The following SNX11 variants were observed in gnomAD, a reference collection of about 807,000 sequenced individuals.
SNX11 encodes sorting nexin-11.
In SNX11, 19 loss-of-function variants were observed where a neutral mutation model predicts 30.7. That is an observed-to-expected ratio of 0.62 (90% CI 0.43 to 0.91). The LOEUF (loss-of-function observed/expected upper bound fraction) is 0.91, where lower values mean the gene tolerates loss of function less well. Ranked by LOEUF, SNX11 falls within the 40% of genes least tolerant of loss-of-function variation. The pLI, the probability that SNX11 is intolerant of heterozygous loss-of-function variation, is 0.00. For missense variants in SNX11, 302 were observed against 326.7 expected (o/e 0.92, Z 0.58); for synonymous variants, 112 against 119.0 (o/e 0.94, Z 0.38).
chr17:48,117,379 C>G (rs2063556629), intron 4 of SNX11, among the ~76,000 whole-genome samples: 1 of 151,740 alleles, frequency 6.6e-6, no homozygotes, highest in South Asian at 2.1e-4. Flanking sequence ...CTCAGCCTCC[C>G]GAGTAGTTGG....
chr17:48,121,131 A>G (rs2063596738), intron 6 of SNX11, 104 bp from the exon 7 acceptor site: 1 of 1,265,388 alleles, frequency 7.9e-7, no homozygotes. Flanking sequence ...GATTACAGGC[A>G]CATGCCAACA....
At chr17:48,117,415 C>T (rs1164362033) in intron 4 of SNX11, among the ~76,000 whole-genome samples, 4 of 151,894 alleles carry the variant, frequency 2.6e-5, no homozygotes, top group South Asian at 2.1e-4. Flanking sequence ...CCACCACGCC[C>T]GGCTAGTTTT....
chr17:48,116,606 G>A (rs1306961687), intron 4 of SNX11, among the ~76,000 whole-genome samples: 2 of 146,318 alleles, frequency 1.4e-5, no homozygotes, highest in Non-Finnish European at 3.0e-5. Flanking sequence ...GCGGAGTCTC[G>A]CTCTGTCACC....
intron 2 of SNX11, 107 bp from the exon 3 acceptor site, chr17:48,112,467 G>GT: frequency 1.4e-6 from 1 of 725,246 alleles, no homozygotes; most frequent in Non-Finnish European, 2.5e-6. Flanking sequence ...ATGAAAGTTG[G>GT]TGTTGAGTGA....
intron 3 of SNX11, among the ~76,000 whole-genome samples, 177 bp from the exon 4 acceptor site, chr17:48,113,124 G>A (rs929457445): frequency 1.3e-5 from 2 of 152,154 alleles, no homozygotes; most frequent in African/African-American, 4.8e-5. Context: ...GAGAGCTTGA[G>A]GTATGTCTTT....
At chr17:48,116,257 A>C (rs989136110) in intron 4 of SNX11, among the ~76,000 whole-genome samples, 12 of 152,102 alleles carry the variant, frequency 7.9e-5, no homozygotes, top group Non-Finnish European at 1.2e-4. Flanking sequence ...ACTGTCTCAA[A>C]AACAACAACA....
intron 3 of SNX11, 35 bp from the exon 4 acceptor site, chr17:48,113,266 C>A: frequency 6.5e-7 from 1 of 1,543,576 alleles, no homozygotes. Flanking sequence ...TTCCACTAAA[C>A]CCTTTTCATG....
At chr17:48,112,731 C>CTT (rs373077316) in intron 3 of SNX11, 71 bp downstream of exon 3, 1,435 of 587,098 alleles carry the variant, frequency 2.4e-3, no homozygotes, top group South Asian at 4.5e-3. Flanking sequence ...GAGGTGTAAC[C>CTT]TTTTTTTTTT....
chr17:48,112,444 T>C, intron 2 of SNX11, 130 bp from the exon 3 acceptor site: 1 of 698,356 alleles, frequency 1.4e-6, no homozygotes, highest in Non-Finnish European at 2.6e-6. Context: ...TGAATGAAAG[T>C]TGAATTGAAT....
intron 6 of SNX11, among the ~76,000 whole-genome samples, chr17:48,120,354 C>G (rs943499297): frequency 2.6e-5 from 4 of 151,226 alleles, no homozygotes; most frequent in South Asian, 2.1e-4. Context: ...TTACAGGCAC[C>G]TGCCACCACA....
chr17:48,119,066 AG>A lies in SNX11; in HGVS notation c.422del (p.Gly141AlafsTer5). ...LSVPEIEACV[Q>X]GRSTMTVSDA... is the part of the protein sequence containing the mutation. ...GTGCCTGAGATAGAAGCCTGTGTCCAGGGCCGAAGTACCATGACTGTGTCTG... is the reference window on the plus strand; with the variant it reads ...GTGCCTGAGATAGAAGCCTGTGTCCAGGCCGAAGTACCATGACTGTGTCTG... On this transcript the variant is annotated frameshift_variant, in exon 6 of 7. Coordinates refer to ENST00000359238, the MANE Select transcript of SNX11 (RefSeq NM_013323.3). LOFTEE classifies it high-confidence loss of function. 2 of 1,614,166 alleles carry A rather than the reference AG, an allele frequency of 1.2e-6. No individual in the cohort carries two copies. Among genetic ancestry groups the A allele is most frequent in the Non-Finnish European group, 1.7e-6 (2 of 1,180,032 alleles).
chr17:48,112,178 A>G, intron 2 of SNX11, 93 bp downstream of exon 2: 1 of 1,111,384 alleles, frequency 9.0e-7, no homozygotes, highest in East Asian at 2.3e-5. Context: ...ATTAATTATT[A>G]CCTGCAGTAT....
chr17:48,115,098 G>A (rs544189994), intron 4 of SNX11, among the ~76,000 whole-genome samples: 28 of 141,904 alleles, frequency 2.0e-4, no homozygotes, highest in Admixed American at 1.9e-3. Flanking sequence ...GTCTCACTCT[G>A]TTGCCCAGGC....
Position 48,121,741 on chromosome 17 carries a change from T to C in SNX11, c.*233T>C. The C allele has an allele frequency of 1.9e-6, 1 of 540,166 alleles. No homozygotes were observed. The highest frequency in any genetic ancestry group is 3.3e-5 in the Admixed American group (1 of 30,694). 33.5% of individuals were successfully genotyped at this position (540,166 alleles called of 1,614,324 possible). ...AACATAAGACACAGGGGCTGTTGCTTTTGAACAGAACCCTATATTACTCTC... is the reference window on the plus strand; with the variant it reads ...AACATAAGACACAGGGGCTGTTGCTCTTGAACAGAACCCTATATTACTCTC... On this transcript the variant is annotated 3_prime_UTR_variant, in exon 7 of 7. Coordinates refer to ENST00000359238, the MANE Select transcript of SNX11 (RefSeq NM_013323.3).
chr17:48,116,136 G>A (rs1166409398), intron 4 of SNX11, among the ~76,000 whole-genome samples: 2 of 152,008 alleles, frequency 1.3e-5, no homozygotes, highest in African/African-American at 4.8e-5. Context: ...GCAGGTGCCT[G>A]TAATCCCAGC....
In SNX11 at chr17:48,119,001, A is replaced by G; in HGVS notation, c.354A>G (p.Ser118=). The change falls in exon 6 of 7, where the codon TCA becomes TCG. Residue 118 remains serine (S), a synonymous_variant. Transcript: ENST00000359238. ...EKVLQSVVLL[S]DSQLHLFLQS... ...TCCTGCAGAGTGTGGTTCTCCTGTC[A>G]GACAGCCAGTTGCACCTATTCCTGC... is the stretch of plus-strand genomic sequence containing the variant. The G allele has an allele frequency of 5.6e-6, 9 of 1,613,938 alleles. No homozygotes were observed. Among genetic ancestry groups the G allele is most frequent in the Non-Finnish European group, 7.6e-6 (9 of 1,179,992 alleles).
intron 4 of SNX11, 192 bp downstream of exon 4, chr17:48,113,593 T>G: frequency 2.2e-6 from 1 of 453,154 alleles, no homozygotes; most frequent in Non-Finnish European, 4.1e-6. Flanking sequence ...TTACAGAGGC[T>G]GGAGTGCAGT....
chr17:48,112,775 G>C (rs2063504617), intron 3 of SNX11, 115 bp downstream of exon 3: 1 of 562,176 alleles, frequency 1.8e-6, no homozygotes, highest in Non-Finnish European at 3.1e-6. Context: ...TTGTTGCCCA[G>C]GCTGGAGTGC....
At chr17:48,118,011 A>G (rs2063562720) in intron 4 of SNX11, among the ~76,000 whole-genome samples, 1 of 152,148 alleles carries the variant, frequency 6.6e-6, no homozygotes, top group Non-Finnish European at 1.5e-5. Flanking sequence ...ACCTGGAGAG[A>G]GCAGCTTGGA....
Sources: gnomAD v4.1 joint callset for allele counts (sites outside exome capture counted in the v4.1 genomes callset) on GRCh38, gnomAD v4.1.1 for gene constraint, MANE v1.5 for transcripts, NCBI Gene and HGNC (gene_info 2026-07-23, HGNC 2026-07-21) for gene names.